Variants in SGCZ observed in about 807,000 individuals in gnomAD.
SGCZ encodes the protein zeta-sarcoglycan.
Under a neutral mutation model 41.3 loss-of-function variants are expected in SGCZ, and 40 were observed. The ratio of observed to expected loss-of-function variants is 0.97; its 90% CI spans 0.75 to 1.26. The LOEUF (loss-of-function observed/expected upper bound fraction) is 1.26, where lower values mean the gene tolerates loss of function less well. SGCZ is among the 50% of genes most tolerant of loss of function. SGCZ has a pLI of 0.00. For synonymous variants in SGCZ, 206 were observed against 137.5 expected (o/e 1.50, Z -3.49); for missense variants, 552 against 369.8 (o/e 1.49, Z -4.04).
At chr8:14,628,046 C>T (rs892424476) in intron 1 of SGCZ, among the ~76,000 whole-genome samples, 10 of 152,024 alleles carry the variant, frequency 6.6e-5, no homozygotes, top group African/African-American at 2.4e-4. Flanking sequence ...ATAGGCAGGC[C>T]TCATAGACAG....
intron 1 of SGCZ, among the ~76,000 whole-genome samples, chr8:14,650,784 G>A (rs34040031): frequency 6.6e-6 from 1 of 151,846 alleles, no homozygotes; most frequent in South Asian, 2.1e-4. Context: ...TACCTACTCC[G>A]GCTCGTTCAT....
rs895009599 is a variant in SGCZ at position 14,831,630 on chromosome 8, A to G, written c.40-276704T>C. Among the ~76,000 whole-genome samples, 56 of 135,134 alleles carry G rather than the reference A, an allele frequency of 4.1e-4. No homozygotes were observed. In the East Asian group the frequency reaches 4.8e-3, roughly 12 times the overall value. 88.7% of individuals were successfully genotyped at this position (135,134 alleles called of 152,430 possible). ...TGTGTGTGTGTGTACACATAGACAC[A>G]TATGTGTGTGTGTGTATATATATAT... is the stretch of plus-strand genomic sequence containing the variant. On this transcript the variant is annotated intron_variant, in intron 1 of 7. Transcript: ENST00000382080.
At position 14,887,885 on chromosome 8, in the gene SGCZ, G is replaced by A. The variant is rs535848751; in HGVS notation, c.40-332959C>T. Among the ~76,000 whole-genome samples the A allele has an allele frequency of 1.3e-3, 198 of 152,148 alleles. 2 individuals are homozygous for A. The highest frequency in any genetic ancestry group is 2.2e-3 in the Non-Finnish European group (153 of 68,008). ...AGACAGAATTTCCTTCTTTCCTAAG[G>A]CTGAGTTGTATCCCATTGTGTTTAC... On this transcript the variant is annotated intron_variant, in intron 1 of 7. Coordinates refer to ENST00000382080, the MANE Select transcript of SGCZ (RefSeq NM_139167.4).
chr8:14,830,160 A>C (rs549365432), intron 1 of SGCZ, among the ~76,000 whole-genome samples: 3 of 152,158 alleles, frequency 2.0e-5, no homozygotes, highest in Admixed American at 6.5e-5. Flanking sequence ...GTAAAAATTG[A>C]ATTAAAAATA....
intron 1 of SGCZ, among the ~76,000 whole-genome samples, chr8:15,208,129 A>C (rs1366565978): frequency 6.6e-6 from 1 of 152,260 alleles, no homozygotes; most frequent in Non-Finnish European, 1.5e-5. Context: ...AAACAGATAC[A>C]GTGAGAAATA....
intron 1 of SGCZ, among the ~76,000 whole-genome samples, chr8:15,126,433 C>G (rs994131953): frequency 2.6e-5 from 4 of 152,210 alleles, no homozygotes; most frequent in African/African-American, 7.2e-5. Flanking sequence ...CATTGATAAT[C>G]TATCAGCAGG....
intron 2 of SGCZ, among the ~76,000 whole-genome samples, chr8:14,517,883 T>A (rs1375734539): frequency 6.6e-6 from 1 of 151,860 alleles, no homozygotes. Context: ...CTCTTTTTGA[T>A]GACAATTTTA....
intron 2 of SGCZ, among the ~76,000 whole-genome samples, chr8:14,445,878 G>C (rs1168852742): frequency 6.6e-6 from 1 of 152,118 alleles, no homozygotes; most frequent in Non-Finnish European, 1.5e-5. Context: ...CTGCCAGCTG[G>C]ATCCTGCACT....
intron 2 of SGCZ, among the ~76,000 whole-genome samples, chr8:14,544,908 G>C (rs1009148367): frequency 5.3e-5 from 8 of 151,922 alleles, no homozygotes; most frequent in Non-Finnish European, 1.0e-4. Flanking sequence ...ACCCTTATTA[G>C]CGGTTCTGCT....
At chr8:15,150,078 G>A (rs1004655612) in intron 1 of SGCZ, among the ~76,000 whole-genome samples, 1 of 77,666 alleles carries the variant, frequency 1.3e-5, no homozygotes, top group East Asian at 4.4e-4. Flanking sequence ...GAAAAAGTCT[G>A]AAAGGCTCTA....
chr8:14,503,946 T>C (rs1802230449), intron 2 of SGCZ, among the ~76,000 whole-genome samples: 1 of 152,116 alleles, frequency 6.6e-6, no homozygotes, highest in South Asian at 2.1e-4. Flanking sequence ...GAAATGAAAA[T>C]GTAAGTTTTA....
intron 1 of SGCZ, among the ~76,000 whole-genome samples, chr8:14,611,332 A>T (rs1330336432): frequency 7.3e-6 from 1 of 137,396 alleles, no homozygotes; most frequent in East Asian, 2.0e-4. Flanking sequence ...ATGTGGGTCT[A>T]TGTGTGTGTG....
chr8:15,069,024 A>T (rs753691471), intron 1 of SGCZ, among the ~76,000 whole-genome samples: 2 of 152,242 alleles, frequency 1.3e-5, no homozygotes, highest in Non-Finnish European at 2.9e-5. Context: ...CCTACTGGAC[A>T]AAAACGGGCT....
In SGCZ at chr8:14,566,700, G is replaced by A. The variant is rs541974722; in HGVS notation, c.40-11774C>T. On this transcript the variant is annotated intron_variant, in intron 1 of 7. Transcript: ENST00000382080. The stretch of plus-strand genomic sequence containing the variant: ...CCTCGCTCGCTCTCGGCACCTCCTC[G>A]GCCTTGGCGCCCACTCTGGCCGTAC... Among the ~76,000 whole-genome samples, 585 of 152,342 alleles carry A rather than the reference G, an allele frequency of 3.8e-3. 1 individual carries two copies. The highest frequency in any genetic ancestry group is 0.02 in the Middle Eastern group (6 of 294).
intron 1 of SGCZ, among the ~76,000 whole-genome samples, chr8:14,910,311 TAATTAA>T (rs1385667835): frequency 6.6e-6 from 1 of 152,088 alleles, no homozygotes; most frequent in East Asian, 1.9e-4. Context: ...TTTAGTCAGT[TAATTAA>T]AATTTATTAA....
At position 14,376,180 on chromosome 8, in the gene SGCZ, GGCC is replaced by G. The variant is rs143358571; in HGVS notation, c.235-51979_235-51977del. On this transcript the variant is annotated intron_variant, in intron 2 of 7. Transcript: ENST00000382080. ...TAAAAAATTAGCCGGGCATGGTGGC[GGCC>G]GCCTGTAGACCCAGCTACACAGGAG... Among the ~76,000 whole-genome samples the G allele has an allele frequency of 8.7e-3, 1,326 of 152,098 alleles. 19 individuals carry two copies. Among genetic ancestry groups the G allele is most frequent in the African/African-American group, 0.03 (1,242 of 41,528 alleles).
intron 3 of SGCZ, among the ~76,000 whole-genome samples, chr8:14,285,945 C>T (rs1477350847): frequency 6.6e-6 from 1 of 152,038 alleles, no homozygotes; most frequent in African/African-American, 2.4e-5. Context: ...GTAGGAAACA[C>T]ATATGTTTTT....
At chr8:14,747,578 T>C (rs1392361869) in intron 1 of SGCZ, among the ~76,000 whole-genome samples, 4 of 152,008 alleles carry the variant, frequency 2.6e-5, no homozygotes, top group African/African-American at 7.2e-5. Flanking sequence ...TATTAATAAT[T>C]TGTTATAATT....
At chr8:14,415,712 A>G (rs1373654308) in intron 2 of SGCZ, among the ~76,000 whole-genome samples, 1 of 151,940 alleles carries the variant, frequency 6.6e-6, no homozygotes, top group African/African-American at 2.4e-5. Context: ...TTTCCTTGGA[A>G]TAACAGTTGA....
Sources: allele counts gnomAD v4.1 joint callset (sites outside exome capture counted in the v4.1 genomes callset), GRCh38; gene constraint gnomAD v4.1.1; transcripts MANE v1.5; gene names NCBI Gene and HGNC (gene_info 2026-07-23, HGNC 2026-07-21).